ACAT2: variants seen among roughly 807,000 people sequenced by gnomAD.
The protein encoded by ACAT2 is acetyl-CoA acetyltransferase, cytosolic.
ACAT2 carries 26 observed loss-of-function variants against 37.1 expected under a neutral mutation model. That is an observed-to-expected ratio of 0.70 (90% CI 0.51 to 0.97). The LOEUF (loss-of-function observed/expected upper bound fraction) is 0.97. ACAT2 is among the 50% of genes least tolerant of loss of function. ACAT2 has a pLI of 0.00. For synonymous variants in ACAT2, 156 were observed against 163.6 expected, an observed-to-expected ratio of 0.95 and a Z score of 0.35; for missense variants, 468 against 489.0, an observed-to-expected ratio of 0.96 and a Z score of 0.40.
chr6:159,775,035 C>T (rs1211870808), intron 4 of ACAT2, 135 bp from the exon 5 acceptor site: 2 of 982,710 alleles, frequency 2.0e-6, no homozygotes, highest in Non-Finnish European at 2.9e-6. Context: ...CCACCCCACA[C>T]AGAGCATTGC....
chr6:159,778,173 A>G lies in ACAT2; in HGVS notation c.916A>G (p.Thr306Ala). 3.1e-6 allele frequency: 5 copies of G among 1,608,932 alleles called. No homozygotes were observed. Among genetic ancestry groups the G allele is most frequent in the Admixed American group, 3.4e-5 (2 of 59,590 alleles). Reference protein sequence around the residue: ...GPIPAIKQAVTKAGWSLEDVD... With the variant: ...GPIPAIKQAVAKAGWSLEDVD... ...TTTCTATGAATCTTTCCTCTAGGTT[A>G]CAAAAGCAGGTTGGTCACTGGAAGA... The change falls in exon 8 of 9, where the codon ACA becomes GCA. Residue 306 changes from threonine to alanine, a missense_variant. By Grantham distance (58) the Thr-to-Ala change is moderately conservative (BLOSUM62 0). Coordinates refer to ENST00000367048, the MANE Select transcript of ACAT2 (RefSeq NM_005891.3).
At chr6:159,773,940 T>C (rs895741987) in intron 4 of ACAT2, among the ~76,000 whole-genome samples, 1 of 152,230 alleles carries the variant, frequency 6.6e-6, no homozygotes. Flanking sequence ...GGTGAAAATA[T>C]GATGGGGAAG....
chr6:159,769,075 C>T (rs1015275599), intron 4 of ACAT2, among the ~76,000 whole-genome samples: 2 of 152,162 alleles, frequency 1.3e-5, no homozygotes, highest in Non-Finnish European at 2.9e-5. Context: ...ACATGTAAAA[C>T]TTAAGAAACA....
At chr6:159,778,313 C>T in intron 8 of ACAT2, 33 bp downstream of exon 8, 1 of 1,443,228 alleles carries the variant, frequency 6.9e-7, no homozygotes, top group Non-Finnish European at 9.5e-7. Context: ...GAGAGCTTAC[C>T]AGTGAATTTC....
rs749797349 is a variant in ACAT2, at chr6:159,777,270, A to T, written c.758-32A>T. The T allele has an allele frequency of 1.2e-5, 20 of 1,600,642 alleles. No homozygotes were observed. In the Admixed American group the frequency reaches 2.3e-4, roughly 18 times the overall value. The stretch of plus-strand genomic sequence containing the variant: ...AGATATGTAACTGAGGTTAATAAGC[A>T]TGGTAGAAATTAAGTCACTCATATT... On this transcript the variant is annotated intron_variant, in intron 6 of 8. Transcript: ENST00000367048.
intron 5 of ACAT2, chr6:159,775,578 G>A (rs1780400182): frequency 8.5e-6 from 3 of 354,584 alleles, no homozygotes; most frequent in Non-Finnish European, 1.5e-5. Flanking sequence ...ATGAGAAGCT[G>A]GAGCACTGGC....
chr6:159,762,895 A>G, intron 1 of ACAT2, 24 bp from the exon 2 acceptor site: 1 of 1,605,804 alleles, frequency 6.2e-7, no homozygotes, highest in Non-Finnish European at 8.5e-7. Flanking sequence ...TGTGATGTCC[A>G]CGCTCTCCGC....
chr6:159,771,705 T>G (rs1011001218), intron 4 of ACAT2, among the ~76,000 whole-genome samples: 1 of 144,346 alleles, frequency 6.9e-6, no homozygotes, highest in African/African-American at 2.6e-5. Flanking sequence ...TGAAGGAAAA[T>G]GAATTGCCTG....
Position 159,762,144 on chromosome 6 carries a change from T to C in ACAT2, c.55+2T>C, listed in dbSNP as rs201462420. On this transcript the variant is annotated splice_donor_variant, in intron 1 of 8. Coordinates refer to ENST00000367048, the MANE Select transcript of ACAT2 (RefSeq NM_005891.3). LOFTEE classifies it high-confidence loss of function. ...TCTCGGCGGCGCGGACCATCATAGG[T>C]GAGTGGCCGGCGGGAGCCGCGCAGA... The C allele has an allele frequency of 3.2e-5, 51 of 1,610,042 alleles. No individual in the cohort carries two copies. Among genetic ancestry groups the C allele is most frequent in the Non-Finnish European group, 4.2e-5 (50 of 1,178,392 alleles).
intron 2 of ACAT2, among the ~76,000 whole-genome samples, chr6:159,766,251 G>T (rs546959164): frequency 6.6e-6 from 1 of 152,144 alleles, no homozygotes. Context: ...ATTATCAAAG[G>T]TTTTCCTTTT....
intron 2 of ACAT2, among the ~76,000 whole-genome samples, chr6:159,763,629 CTTTTTTTTTTT>C (rs765044833): frequency 2.1e-4 from 16 of 76,406 alleles, no homozygotes; most frequent in African/African-American, 6.1e-4. Context: ...TTTTCTTTTC[CTTTTTTTTTTT>C]TTTTTTTTTT....
intron 7 of ACAT2, 130 bp downstream of exon 7, chr6:159,777,586 A>G: frequency 8.7e-7 from 1 of 1,150,752 alleles, no homozygotes; most frequent in East Asian, 2.6e-5. Flanking sequence ...TATTTTTGAG[A>G]TAAGGTCTTG....
At chr6:159,762,799 G>C in intron 1 of ACAT2, 120 bp from the exon 2 acceptor site, 1 of 1,595,142 alleles carries the variant, frequency 6.3e-7, no homozygotes, top group East Asian at 2.2e-5. Flanking sequence ...TGTGGGAGGA[G>C]AGGGCACTGC....
chr6:159,770,852 GT>G (rs892400124), intron 4 of ACAT2, among the ~76,000 whole-genome samples: 49 of 152,136 alleles, frequency 3.2e-4, no homozygotes, highest in African/African-American at 9.9e-4. Flanking sequence ...ATCATCTGAG[GT>G]CAGGAGTTCA....
intron 2 of ACAT2, 120 bp downstream of exon 2, chr6:159,763,173 T>G (rs577052265): frequency 3.4e-5 from 47 of 1,390,246 alleles, no homozygotes; most frequent in Middle Eastern, 2.5e-4. Flanking sequence ...CTTGCCTCCT[T>G]GCTTTTGCTC....
At chr6:159,775,433 A>T (rs1780398083) in intron 5 of ACAT2, 120 bp downstream of exon 5, 1 of 1,214,910 alleles carries the variant, frequency 8.2e-7, no homozygotes, top group Admixed American at 2.2e-5. Flanking sequence ...GGTTGCAAAT[A>T]TATGTCCTGG....
intron 4 of ACAT2, 21 bp from the exon 5 acceptor site, chr6:159,775,149 G>A: frequency 6.2e-7 from 1 of 1,609,558 alleles, no homozygotes; most frequent in East Asian, 2.2e-5. Flanking sequence ...TTAGTTTTTT[G>A]CTGTTTTTCT....
In ACAT2 at chr6:159,777,288, C is replaced by T; in HGVS notation, c.758-14C>T. On this transcript the variant is annotated splice_polypyrimidine_tract_variant and intron_variant, in intron 6 of 8. Coordinates refer to ENST00000367048, the MANE Select transcript of ACAT2 (RefSeq NM_005891.3). The stretch of plus-strand genomic sequence containing the variant: ...AATAAGCATGGTAGAAATTAAGTCA[C>T]TCATATTTTACAGGAATAAATGATG... 1 of 1,608,208 alleles carries T rather than the reference C, an allele frequency of 6.2e-7. No individual in the cohort carries two copies. Among genetic ancestry groups the T allele is most frequent in the Non-Finnish European group, 8.5e-7 (1 of 1,177,634 alleles).
In ACAT2 at chr6:159,778,844, G is replaced by A. The variant is rs1780499408; in HGVS notation, c.*15G>A. 6.2e-7 allele frequency: 1 copy of A among 1,613,774 alleles called. No homozygotes were observed. The highest frequency in any genetic ancestry group is 8.5e-7 in the Non-Finnish European group (1 of 1,179,826). On this transcript the variant is annotated 3_prime_UTR_variant, in exon 9 of 9. Transcript: ENST00000367048. Reference sequence around the variant, plus strand: ...AGAGAGAATGAATTGCTTAAACTTTGAACAACCTCAATTTCTTTTTAAACT... The same window carrying A: ...AGAGAGAATGAATTGCTTAAACTTTAAACAACCTCAATTTCTTTTTAAACT...
Sources: allele counts gnomAD v4.1 joint callset (sites outside exome capture counted in the v4.1 genomes callset), GRCh38; gene constraint gnomAD v4.1.1; transcripts MANE v1.5; gene names NCBI Gene and HGNC (gene_info 2026-07-23, HGNC 2026-07-21).